Variants in ACACB observed in about 807,000 individuals in gnomAD.
ACACB encodes acetyl-CoA carboxylase 2.
ACACB carries 209 observed loss-of-function variants against 278.8 expected under a neutral mutation model. That is an observed-to-expected ratio of 0.75 (90% CI 0.67 to 0.84). ACACB has a LOEUF of 0.84. ACACB is among the 40% of genes least tolerant of loss of function. The pLI, the probability that ACACB is intolerant of heterozygous loss-of-function variation, is 0.00. For missense variants in ACACB, 2,850 were observed against 3,269.0 expected (o/e 0.87, Z 3.13); for synonymous variants, 1,174 against 1,285.6 (o/e 0.91, Z 1.86).
In ACACB at chr12:109,256,208, G is replaced by T. The variant is rs760406701; in HGVS notation, c.6235G>T (p.Ala2079Ser). Reference protein sequence around the residue: ...GSFKEIMAPWAQTVVTGRARL... With the variant: ...GSFKEIMAPWSQTVVTGRARL... ...TTTCAAGGAAATCATGGCACCCTGG[G>T]CGCAGACCGTGGTGACAGGACGAGC... The change falls in exon 45 of 53, where the codon GCG (alanine) becomes TCG (serine). Residue 2079 changes from alanine (A) to serine (S), a missense_variant. Physicochemically the swap from Ala to Ser is moderately conservative, Grantham distance 99. Around this residue, in one of 3 missense-constraint regions of ACACB, gnomAD observed 579 missense variants for 684.6 expected, o/e 0.85. Coordinates refer to ENST00000338432, the MANE Select transcript of ACACB (RefSeq NM_001093.4). 2 of 1,613,908 alleles carry T rather than the reference G, an allele frequency of 1.2e-6. No homozygotes were observed. Among genetic ancestry groups the T allele is most frequent in the Non-Finnish European group, 1.7e-6 (2 of 1,179,948 alleles).
chr12:109,224,716 G>A (rs1593627305), intron 27 of ACACB, among the ~76,000 whole-genome samples: 1 of 151,926 alleles, frequency 6.6e-6, no homozygotes, highest in East Asian at 1.9e-4. Context: ...ATTGTTAGTA[G>A]AGACAGGGTT....
At position 109,209,349 on chromosome 12, in the gene ACACB, A is replaced by G; in HGVS notation, c.3245A>G (p.Gln1082Arg). The G allele has an allele frequency of 6.2e-7, 1 of 1,609,008 alleles. No individual in the cohort carries two copies. ...ITSVLCQFPS[Q>R]QIATILDCHA... is the part of the protein sequence containing the mutation. ...TCGGTGCTGTGCCAGTTCCCCAGCC[A>G]GCAGGTGCGTGCTCCCCTGCCCAGC... is the stretch of plus-strand genomic sequence containing the variant. Residue 1082 changes from glutamine (Q) to arginine (R), a missense_variant, in exon 21 of 53, where the codon CAG becomes CGG. Around this residue, in one of 3 missense-constraint regions of ACACB, gnomAD observed 2,265 missense variants for 2,561.3 expected, o/e 0.88. Transcript: ENST00000338432.
intron 21 of ACACB, among the ~76,000 whole-genome samples, chr12:109,210,569 A>G (rs983882384): frequency 1.3e-5 from 2 of 148,678 alleles, no homozygotes; most frequent in Non-Finnish European, 3.0e-5. Context: ...ATATACATGT[A>G]TGTGTGTATA....
intron 4 of ACACB, among the ~76,000 whole-genome samples, chr12:109,169,720 C>T (rs1367208104): frequency 6.6e-6 from 1 of 152,182 alleles, no homozygotes; most frequent in Non-Finnish European, 1.5e-5. Flanking sequence ...CAGAGAACCT[C>T]ATTTATTTTC....
At chr12:109,214,829 G>A (rs2045947111) in intron 22 of ACACB, among the ~76,000 whole-genome samples, 1 of 152,166 alleles carries the variant, frequency 6.6e-6, no homozygotes, top group South Asian at 2.1e-4. Flanking sequence ...TAGGTGCGAT[G>A]GCTCACACCT....
At chr12:109,165,586 A>C (rs2043870406) in intron 2 of ACACB, among the ~76,000 whole-genome samples, 1 of 152,144 alleles carries the variant, frequency 6.6e-6, no homozygotes, top group Admixed American at 6.6e-5. Flanking sequence ...AAAATCATTA[A>C]CTCCAGGAAA....
intron 20 of ACACB, among the ~76,000 whole-genome samples, chr12:109,207,302 T>G (rs940080887): frequency 2.6e-5 from 4 of 152,228 alleles, no homozygotes; most frequent in Non-Finnish European, 5.9e-5. Flanking sequence ...ATTCCTCAAT[T>G]CAATTGTAAA....
chr12:109,152,231 A>G (rs879278827), intron 2 of ACACB, among the ~76,000 whole-genome samples: 2 of 152,156 alleles, frequency 1.3e-5, no homozygotes, highest in Admixed American at 1.3e-4. Flanking sequence ...CATGATCCTA[A>G]CTGACTTTGG....
chr12:109,234,106 T>G, intron 31 of ACACB, 61 bp downstream of exon 31: 2 of 1,407,342 alleles, frequency 1.4e-6, no homozygotes, highest in South Asian at 1.2e-5. Flanking sequence ...GGGGCTGGGC[T>G]CGTCGAGGCG....
intron 49 of ACACB, chr12:109,262,950 T>TATATATATATA (rs2047417089): frequency 1.6e-5 from 1 of 62,470 alleles, no homozygotes; most frequent in Non-Finnish European, 3.9e-5. Flanking sequence ...CTTTTTAACA[T>TATATATATATA]TATATATATA....
chr12:109,231,203 A>G (rs1470053354), intron 28 of ACACB, among the ~76,000 whole-genome samples: 2 of 151,960 alleles, frequency 1.3e-5, no homozygotes, highest in Admixed American at 1.3e-4. Flanking sequence ...GCTGGGTGGG[A>G]ACTGGCTACA....
chr12:109,266,206 A>G (rs779239813), intron 52 of ACACB, 30 bp from the exon 53 acceptor site: 11 of 1,604,232 alleles, frequency 6.9e-6, no homozygotes, highest in African/African-American at 1.3e-5. Context: ...GGCTGGAGTG[A>G]TCCCAGCCCT....
At chr12:109,234,529 AT>A (rs1432419312) in intron 31 of ACACB, among the ~76,000 whole-genome samples, 1 of 152,136 alleles carries the variant, frequency 6.6e-6, no homozygotes. Context: ...ACAATGTGAT[AT>A]TTTTTAATTA....
chr12:109,221,637 G>A (rs1008873393), intron 24 of ACACB, among the ~76,000 whole-genome samples: 19 of 152,180 alleles, frequency 1.2e-4, no homozygotes, highest in Admixed American at 3.3e-4. Flanking sequence ...ATGTGTAGGG[G>A]AAGGAGCGGG....
intron 24 of ACACB, among the ~76,000 whole-genome samples, chr12:109,222,062 A>ATT (rs1303716386): frequency 7.2e-6 from 1 of 139,224 alleles, no homozygotes; most frequent in African/African-American, 2.6e-5. Context: ...TAATTTTTCT[A>ATT]TTTTTTTTTT....
chr12:109,125,538 G>C (rs1323511201), intron 1 of ACACB: 2 of 152,250 alleles, frequency 1.3e-5, no homozygotes, highest in Non-Finnish European at 2.9e-5. Context: ...CAGGTCAAGA[G>C]ACTTTCGCAG....
intron 1 of ACACB, among the ~76,000 whole-genome samples, chr12:109,128,056 T>C (rs932974673): frequency 3.9e-5 from 6 of 152,208 alleles, no homozygotes; most frequent in African/African-American, 1.4e-4. Flanking sequence ...CCAGTGCAGA[T>C]GCTCTTTACT....
At chr12:109,119,908 A>AG (rs1411412471) in intron 1 of ACACB, among the ~76,000 whole-genome samples, 1 of 152,214 alleles carries the variant, frequency 6.6e-6, no homozygotes, top group African/African-American at 2.4e-5. Context: ...AGAAAAAAAA[A>AG]AAGGATTAAA....
chr12:109,191,621 T>C lies in ACACB; in HGVS notation c.2153T>C (p.Val718Ala), dbSNP rs1333818588. 1 of 1,614,076 alleles carries C rather than the reference T, an allele frequency of 6.2e-7. No individual in the cohort carries two copies. The highest frequency in any genetic ancestry group is 1.1e-5 in the South Asian group (1 of 91,072). Residue 718 changes from valine to alanine, a missense_variant, in exon 14 of 53, where the codon GTG (valine) becomes GCG (alanine). Val to Ala is a moderately conservative substitution (Grantham distance 64). Transcript: ENST00000338432. ...ENREEAISNM[V>A]VALKELSIRG... Reference sequence around the variant, plus strand: ...GTGCCTTTCCCTTCAAGGAACATGGTGGTGGCTTTGAAGGAACTGTCCATC... The same window carrying C: ...GTGCCTTTCCCTTCAAGGAACATGGCGGTGGCTTTGAAGGAACTGTCCATC...
Sources: allele counts gnomAD v4.1 joint callset (sites outside exome capture counted in the v4.1 genomes callset), GRCh38; gene constraint gnomAD v4.1.1; regional missense constraint gnomAD v4.1.1; transcripts MANE v1.5; gene names NCBI Gene and HGNC (gene_info 2026-07-23, HGNC 2026-07-21).